The following PFDN1 variants were observed in gnomAD, a reference collection of about 807,000 sequenced individuals.
The protein encoded by PFDN1 is prefoldin subunit 1.
PFDN1 carries 6 observed loss-of-function variants against 17.3 expected under a neutral mutation model. The observed-to-expected ratio is 0.35, with a 90% CI of 0.19 to 0.69. The LOEUF (loss-of-function observed/expected upper bound fraction) is 0.69, where lower values mean the gene tolerates loss of function less well. Ranked by LOEUF, PFDN1 falls within the 30% of genes least tolerant of loss-of-function variation. PFDN1 has a pLI of 0.65. For missense variants in PFDN1, 113 were observed against 146.2 expected, an observed-to-expected ratio of 0.77 and a Z score of 1.17; for synonymous variants, 58 against 50.1, an observed-to-expected ratio of 1.16 and a Z score of -0.67.
chr5:140,260,366 G>A (rs1041126755), intron 3 of PFDN1, among the ~76,000 whole-genome samples: 1 of 132,290 alleles, frequency 7.6e-6, no homozygotes, highest in African/African-American at 2.8e-5. Flanking sequence ...CTAATCCACT[G>A]TGACATACAA....
intron 2 of PFDN1, among the ~76,000 whole-genome samples, chr5:140,283,012 T>A (rs1016669492): frequency 1.1e-4 from 17 of 152,066 alleles, no homozygotes; most frequent in Non-Finnish European, 2.1e-4. Context: ...CACAAAAACA[T>A]CATTGTGCCT....
At chr5:140,277,597 G>GC (rs1308357321) in intron 3 of PFDN1, among the ~76,000 whole-genome samples, 1 of 151,986 alleles carries the variant, frequency 6.6e-6, no homozygotes, top group Non-Finnish European at 1.5e-5. Context: ...ACGCGTGGTA[G>GC]CATGCCTGTG....
At chr5:140,302,470 G>A (rs768881392) in intron 1 of PFDN1, among the ~76,000 whole-genome samples, 1 of 152,192 alleles carries the variant, frequency 6.6e-6, no homozygotes, top group Admixed American at 6.5e-5. Context: ...TCAAAAGAAG[G>A]AGGTTTTGTT....
chr5:140,248,767 A>G (rs1764868152), intron 3 of PFDN1, among the ~76,000 whole-genome samples: 1 of 152,178 alleles, frequency 6.6e-6, no homozygotes, highest in South Asian at 2.1e-4. Flanking sequence ...GCTTTCTAAC[A>G]CTTTGATGAA....
intron 3 of PFDN1, among the ~76,000 whole-genome samples, chr5:140,266,813 T>G (rs1300525312): frequency 6.6e-6 from 1 of 152,248 alleles, no homozygotes; most frequent in African/African-American, 2.4e-5. Flanking sequence ...TCAACAGCTT[T>G]ACAAGCAAGT....
rs569671170 is a variant in PFDN1, at chr5:140,294,001, A to G, written c.200+6415T>C. Among the ~76,000 whole-genome samples, 7 of 152,172 alleles carry G rather than the reference A, an allele frequency of 4.6e-5. No individual in the cohort carries two copies. In the South Asian group the frequency reaches 1.4e-3, roughly 32 times the overall value. On this transcript the variant is annotated intron_variant, in intron 2 of 3. Transcript: ENST00000261813. ...AGGGTGGGTCATGTTCTATTAGTAAAAGCAGCTGAACACCAAGAACTTCTC... is the reference window on the plus strand; with the variant it reads ...AGGGTGGGTCATGTTCTATTAGTAAGAGCAGCTGAACACCAAGAACTTCTC...
chr5:140,281,312 C>T (rs1293611890), intron 3 of PFDN1, 137 bp downstream of exon 3: 4 of 573,822 alleles, frequency 7.0e-6, no homozygotes, highest in East Asian at 3.0e-5. Context: ...GACAGCTTCA[C>T]GGCTCCAACG....
At chr5:140,295,933 A>T (rs547731793) in intron 2 of PFDN1, among the ~76,000 whole-genome samples, 1 of 152,282 alleles carries the variant, frequency 6.6e-6, no homozygotes, top group East Asian at 1.9e-4. Context: ...TATTATGCAT[A>T]AAATAGCCTT....
intron 2 of PFDN1, among the ~76,000 whole-genome samples, chr5:140,290,920 TGAA>T (rs1449228340): frequency 1.3e-5 from 2 of 152,028 alleles, no homozygotes; most frequent in African/African-American, 4.8e-5. Context: ...TGAGGTACGA[TGAA>T]GAAAAATAAA....
chr5:140,265,315 A>G, intron 3 of PFDN1, among the ~76,000 whole-genome samples: 1 of 152,212 alleles, frequency 6.6e-6, no homozygotes, highest in African/African-American at 2.4e-5. Flanking sequence ...TTTGGACTCA[A>G]AATGGACGCC....
At chr5:140,265,823 A>G (rs1409842296) in intron 3 of PFDN1, 1 of 152,252 alleles carries the variant, frequency 6.6e-6, no homozygotes, top group African/African-American at 2.4e-5. Flanking sequence ...CTACTTGCAC[A>G]GAACAAGCAG....
chr5:140,249,281 C>T (rs1764877823), intron 3 of PFDN1, among the ~76,000 whole-genome samples: 1 of 152,208 alleles, frequency 6.6e-6, no homozygotes, highest in Non-Finnish European at 1.5e-5. Flanking sequence ...TGAATCCAAT[C>T]ATTAGTGTCC....
chr5:140,266,746 G>C (rs891462840), intron 3 of PFDN1, among the ~76,000 whole-genome samples: 4 of 152,230 alleles, frequency 2.6e-5, no homozygotes, highest in African/African-American at 9.6e-5. Context: ...TCCACCACTA[G>C]AAAACTGTAC....
intron 3 of PFDN1, among the ~76,000 whole-genome samples, chr5:140,246,337 A>G (rs1205093768): frequency 1.3e-5 from 2 of 152,174 alleles, no homozygotes; most frequent in Admixed American, 1.3e-4. Context: ...AGAAGACTCT[A>G]AAAAACAGGC....
At chr5:140,257,091 C>A (rs757178721) in intron 3 of PFDN1, among the ~76,000 whole-genome samples, 6 of 152,062 alleles carry the variant, frequency 3.9e-5, no homozygotes, top group Non-Finnish European at 8.8e-5. Flanking sequence ...GGCATGGTGG[C>A]ACACGCCTGT....
intron 2 of PFDN1, among the ~76,000 whole-genome samples, chr5:140,285,665 A>T (rs1164478634): frequency 6.6e-6 from 1 of 152,120 alleles, no homozygotes; most frequent in African/African-American, 2.4e-5. Flanking sequence ...ATTTTTTTTT[A>T]ACATTTTGTT....
Position 140,300,538 on chromosome 5 carries a change from C to G in PFDN1, c.78G>C (p.Lys26Asn). The G allele has an allele frequency of 6.2e-7, 1 of 1,612,772 alleles. No individual in the cohort carries two copies. Among genetic ancestry groups the G allele is most frequent in the South Asian group, 1.1e-5 (1 of 90,778 alleles). ...CAATCTGTATGTCTGCGAGCTTCAC[C>G]TTCTGTTGAGTGTCAATAACTTTGG... The part of the protein sequence containing the change: ...LQAKVIDTQQ[K>N]VKLADIQIEQ... The change falls in exon 2 of 4, where the codon AAG becomes AAC. Residue 26 changes from lysine to asparagine, a missense_variant. Physicochemically the swap from Lys to Asn is moderately conservative, Grantham distance 94. Transcript: ENST00000261813.
rs189180298 is a variant in PFDN1, at chr5:140,258,645, C to T, written c.286-12588G>A. Among the ~76,000 whole-genome samples, 242 of 152,266 alleles carry T rather than the reference C, an allele frequency of 1.6e-3. 2 individuals carry two copies. The highest frequency in any genetic ancestry group is 3.0e-3 in the Non-Finnish European group (201 of 68,012). ...AAGAGGACTTCACCACTCCCTTCATCATAACCTTCATTAGACATCAGAAGC... is the reference window on the plus strand; with the variant it reads ...AAGAGGACTTCACCACTCCCTTCATTATAACCTTCATTAGACATCAGAAGC... On this transcript the variant is annotated intron_variant, in intron 3 of 3. Transcript: ENST00000261813.
intron 3 of PFDN1, among the ~76,000 whole-genome samples, chr5:140,264,673 C>CA (rs940925019): frequency 0.012 from 1,680 of 136,942 alleles, 15 homozygotes; most frequent in African/African-American, 0.025. Context: ...CCTGTCTTTA[C>CA]AAAAAAAAAA....
Sources: gnomAD v4.1 joint callset for allele counts (sites outside exome capture counted in the v4.1 genomes callset) on GRCh38, gnomAD v4.1.1 for gene constraint, MANE v1.5 for transcripts, NCBI Gene and HGNC (gene_info 2026-07-23, HGNC 2026-07-21) for gene names.